CDH18: variants seen among roughly 807,000 people sequenced by gnomAD.
CDH18 encodes cadherin-18.
In CDH18, 31 loss-of-function variants were observed where a neutral mutation model predicts 67.9. The observed-to-expected ratio is 0.46, with a 90% CI of 0.34 to 0.62. The LOEUF (loss-of-function observed/expected upper bound fraction) is 0.62, where lower values mean the gene tolerates loss of function less well. Among genes scored for constraint, CDH18 ranks in the 20% least tolerant of loss-of-function variants. CDH18 has a pLI of 0.01. For synonymous variants in CDH18, 362 were observed against 347.2 expected, an observed-to-expected ratio of 1.04 and a Z score of -0.48; for missense variants, 890 against 975.5, an observed-to-expected ratio of 0.91 and a Z score of 1.17.
intron 5 of CDH18, among the ~76,000 whole-genome samples, chr5:19,626,601 G>T (rs1751591324): frequency 6.6e-6 from 1 of 151,980 alleles, no homozygotes; most frequent in Non-Finnish European, 1.5e-5. Flanking sequence ...CCTTCAGTTG[G>T]TAGCTATAGA....
intron 1 of CDH18, among the ~76,000 whole-genome samples, chr5:20,439,070 C>A (rs1449003453): frequency 1.3e-5 from 2 of 151,462 alleles, no homozygotes; most frequent in Non-Finnish European, 1.5e-5. Context: ...GTGAATGAAG[C>A]ACACAATCAC....
intron 5 of CDH18, among the ~76,000 whole-genome samples, chr5:19,670,594 T>C (rs1295199547): frequency 2.0e-5 from 3 of 152,140 alleles, no homozygotes; most frequent in East Asian, 3.9e-4. Context: ...TCTAGCTTTG[T>C]GTGAATATGA....
intron 8 of CDH18, among the ~76,000 whole-genome samples, chr5:19,544,688 T>C (rs917677660): frequency 5.3e-5 from 8 of 152,228 alleles, no homozygotes; most frequent in Non-Finnish European, 1.2e-4. Context: ...GGTGTCTGTC[T>C]TCTTTCTGGG....
At chr5:20,412,470 A>T (rs1161690887) in intron 1 of CDH18, among the ~76,000 whole-genome samples, 1 of 152,246 alleles carries the variant, frequency 6.6e-6, no homozygotes, top group East Asian at 1.9e-4. Context: ...CTAAAACCTC[A>T]AAGGCAAATG....
chr5:20,485,523 C>T lies in CDH18; in HGVS notation c.-580+89939G>A, dbSNP rs114697332. ...TTTGTGCATTATAAATATAAGTGCT[C>T]ATATGTGTATATGGCTGTGCAGAAA... On this transcript the variant is annotated intron_variant, in intron 1 of 14. Coordinates refer to the CDH18 transcript ENST00000507958. Among the ~76,000 whole-genome samples, 1,132 of 152,216 alleles carry T rather than the reference C, an allele frequency of 7.4e-3. 11 individuals carry two copies. The highest frequency in any genetic ancestry group is 0.026 in the African/African-American group (1,068 of 41,564).
intron 6 of CDH18, among the ~76,000 whole-genome samples, chr5:19,593,955 C>A (rs761240803): frequency 6.6e-6 from 1 of 151,804 alleles, no homozygotes; most frequent in Non-Finnish European, 1.5e-5. Context: ...ATTTGCAGGT[C>A]ATATCAGATT....
intron 1 of CDH18, among the ~76,000 whole-genome samples, chr5:20,292,221 A>G (rs969216345): frequency 2.6e-5 from 4 of 152,208 alleles, no homozygotes; most frequent in Non-Finnish European, 5.9e-5. Context: ...TAAGACCGGG[A>G]CATGACAATG....
chr5:19,688,838 T>C (rs561014893), intron 5 of CDH18, among the ~76,000 whole-genome samples: 4 of 152,072 alleles, frequency 2.6e-5, no homozygotes, highest in East Asian at 1.9e-4. Flanking sequence ...AAGTGATAGA[T>C]ATCATAAAAA....
chr5:20,333,391 C>T (rs1313769157), intron 1 of CDH18, among the ~76,000 whole-genome samples: 1 of 151,434 alleles, frequency 6.6e-6, no homozygotes, highest in Non-Finnish European at 1.5e-5. Context: ...CCTGTAATTC[C>T]AGCTACTTGG....
At chr5:19,665,690 T>C (rs766651283) in intron 5 of CDH18, among the ~76,000 whole-genome samples, 2 of 152,088 alleles carry the variant, frequency 1.3e-5, no homozygotes, top group Non-Finnish European at 2.9e-5. Context: ...AGGGCATTCT[T>C]CTGGAAATGA....
intron 1 of CDH18, among the ~76,000 whole-genome samples, chr5:20,546,802 G>A (rs1340559752): frequency 6.6e-6 from 1 of 151,588 alleles, no homozygotes; most frequent in African/African-American, 2.4e-5. Flanking sequence ...ACAAGATAGA[G>A]ATTTGCCACA....
Position 19,943,762 on chromosome 5 carries a change from A to G in CDH18, c.-257+37298T>C, listed in dbSNP as rs558212261. 3.9e-5 allele frequency among the ~76,000 whole-genome samples: 6 copies of G among 152,220 alleles called. No homozygotes were observed. The East Asian group carries it at 9.7e-4, about 24-fold the overall frequency. On this transcript the variant is annotated intron_variant, in intron 2 of 12. Transcript: ENST00000382275. ...AGTGTTCTATTTGTAATTAAATCTT[A>G]ACATGAAAAAGATAGCAAAATAAAT...
intron 2 of CDH18, among the ~76,000 whole-genome samples, chr5:20,240,804 CT>C (rs1742837735): frequency 6.6e-6 from 1 of 152,160 alleles, no homozygotes; most frequent in Admixed American, 6.5e-5. Context: ...TCAAGTTCTG[CT>C]TTTTATTTTT....
At chr5:19,724,284 C>A (rs1044775423) in intron 4 of CDH18, among the ~76,000 whole-genome samples, 13 of 151,886 alleles carry the variant, frequency 8.6e-5, no homozygotes, top group African/African-American at 3.1e-4. Context: ...TGCTATGATT[C>A]CATTTATATA....
chr5:20,216,511 A>G (rs1218534794), intron 2 of CDH18, among the ~76,000 whole-genome samples: 2 of 151,956 alleles, frequency 1.3e-5, no homozygotes, highest in Non-Finnish European at 2.9e-5. Context: ...AGAACTCAGG[A>G]TAGATTTCAA....
chr5:19,561,173 A>G (rs1423170906), intron 8 of CDH18, among the ~76,000 whole-genome samples: 3 of 152,142 alleles, frequency 2.0e-5, no homozygotes, highest in African/African-American at 4.8e-5. Flanking sequence ...TACCCATAGG[A>G]AAAGAAGGCA....
chr5:20,501,758 TA>T (rs1052185309), intron 1 of CDH18, among the ~76,000 whole-genome samples: 2 of 143,018 alleles, frequency 1.4e-5, no homozygotes, highest in Non-Finnish European at 3.0e-5. Context: ...TGTGTGTGTA[TA>T]CCTTTACAGA....
intron 2 of CDH18, among the ~76,000 whole-genome samples, chr5:20,094,874 C>G (rs977844689): frequency 3.3e-5 from 5 of 152,096 alleles, no homozygotes; most frequent in Non-Finnish European, 2.9e-5. Context: ...TACTGCAGCA[C>G]TATTCACAAT....
At chr5:19,951,354 T>G (rs1795764875) in intron 2 of CDH18, among the ~76,000 whole-genome samples, 1 of 152,188 alleles carries the variant, frequency 6.6e-6, no homozygotes. Flanking sequence ...AAGCAGGACA[T>G]CCTTTAAAGG....
Sources: gnomAD v4.1 joint callset for allele counts (sites outside exome capture counted in the v4.1 genomes callset) on GRCh38, gnomAD v4.1.1 for gene constraint, MANE v1.5 for transcripts, NCBI Gene and HGNC (gene_info 2026-07-23, HGNC 2026-07-21) for gene names.